ELOVL6: variants seen among roughly 807,000 people sequenced by gnomAD.
ELOVL6 encodes very long chain fatty acid elongase 6.
Under a neutral mutation model 31.7 loss-of-function variants are expected in ELOVL6, and 8 were observed. The ratio of observed to expected loss-of-function variants is 0.25; its 90% CI spans 0.15 to 0.45. ELOVL6 has a LOEUF of 0.45. ELOVL6 is among the 20% of genes least tolerant of loss of function. The pLI is 1.00. For synonymous variants in ELOVL6, 101 were observed against 117.7 expected, an observed-to-expected ratio of 0.86 and a Z score of 0.92; for missense variants, 126 against 326.4, an observed-to-expected ratio of 0.39 and a Z score of 4.73.
intron 2 of ELOVL6, among the ~76,000 whole-genome samples, chr4:110,084,278 A>G (rs1444116858): frequency 7.5e-6 from 1 of 133,438 alleles, no homozygotes; most frequent in Admixed American, 8.0e-5. Context: ...GTGATATATA[A>G]CATATATAAC....
intron 1 of ELOVL6, among the ~76,000 whole-genome samples, chr4:110,165,900 G>A (rs1360039774): frequency 6.6e-6 from 1 of 152,172 alleles, no homozygotes; most frequent in African/African-American, 2.4e-5. Flanking sequence ...CATCTGGGAA[G>A]TGGGAAAAGA....
chr4:110,098,271 G>C (rs1756647636), intron 2 of ELOVL6, among the ~76,000 whole-genome samples: 1 of 150,134 alleles, frequency 6.7e-6, no homozygotes, highest in Non-Finnish European at 1.5e-5. Context: ...GATAGGTAGA[G>C]AATGAGGACC....
At chr4:110,094,834 G>C (rs183930471) in intron 2 of ELOVL6, among the ~76,000 whole-genome samples, 1 of 152,188 alleles carries the variant, frequency 6.6e-6, no homozygotes, top group Non-Finnish European at 1.5e-5. Context: ...GAAATACAGA[G>C]TGAAAAAGTG....
intron 1 of ELOVL6, among the ~76,000 whole-genome samples, chr4:110,162,450 G>A (rs1758656620): frequency 1.3e-5 from 2 of 152,166 alleles, no homozygotes; most frequent in Non-Finnish European, 2.9e-5. Context: ...AGGCTCAGGT[G>A]ATCCTCCCAC....
At chr4:110,151,265 A>G (rs1758273143) in intron 1 of ELOVL6, among the ~76,000 whole-genome samples, 1 of 151,492 alleles carries the variant, frequency 6.6e-6, no homozygotes, top group Non-Finnish European at 1.5e-5. Flanking sequence ...ATAATGAGAT[A>G]TCTTAGGGAT....
chr4:110,099,733 G>GAC (rs1756686643), intron 2 of ELOVL6, among the ~76,000 whole-genome samples: 2 of 152,302 alleles, frequency 1.3e-5, no homozygotes, highest in Admixed American at 1.3e-4. Context: ...GTAACTGGTA[G>GAC]AGGCTCCTTG....
intron 2 of ELOVL6, among the ~76,000 whole-genome samples, chr4:110,062,509 G>A (rs576430443): frequency 2.6e-5 from 4 of 152,310 alleles, no homozygotes; most frequent in African/African-American, 4.8e-5. Context: ...TCCTCTGCAC[G>A]CTTTGGAACC....
At chr4:110,075,519 C>T (rs1397680871) in intron 2 of ELOVL6, among the ~76,000 whole-genome samples, 1 of 152,132 alleles carries the variant, frequency 6.6e-6, no homozygotes, top group Non-Finnish European at 1.5e-5. Context: ...CACAAAAAGA[C>T]AAATACTGTA....
chr4:110,129,156 T>C (rs980417067), intron 1 of ELOVL6, among the ~76,000 whole-genome samples: 2 of 152,230 alleles, frequency 1.3e-5, no homozygotes, highest in Admixed American at 1.3e-4. Context: ...TTTGGGGAGC[T>C]TTCCTATTTA....
intron 1 of ELOVL6, among the ~76,000 whole-genome samples, chr4:110,136,215 T>C (rs1757805166): frequency 6.6e-6 from 1 of 152,194 alleles, no homozygotes; most frequent in Non-Finnish European, 1.5e-5. Flanking sequence ...ACTCAAATGT[T>C]TGCCCTTGAG....
chr4:110,057,403 C>T (rs1755017221), intron 3 of ELOVL6, among the ~76,000 whole-genome samples: 1 of 152,000 alleles, frequency 6.6e-6, no homozygotes, highest in Non-Finnish European at 1.5e-5. Context: ...CAGGGGAAAT[C>T]ACGTTTCATG....
intron 1 of ELOVL6, among the ~76,000 whole-genome samples, chr4:110,173,666 A>T (rs1759017741): frequency 1.5e-5 from 1 of 65,394 alleles, no homozygotes; most frequent in South Asian, 4.4e-4. Flanking sequence ...AATCAGGTAA[A>T]GGAAAATAAT....
At chr4:110,105,969 G>A (rs755554595) in intron 1 of ELOVL6, among the ~76,000 whole-genome samples, 3 of 152,204 alleles carry the variant, frequency 2.0e-5, no homozygotes, top group African/African-American at 4.8e-5. Context: ...AGTTTGTTGA[G>A]CCAATTTAGA....
intron 1 of ELOVL6, among the ~76,000 whole-genome samples, chr4:110,110,469 G>A (rs1056650660): frequency 1.4e-5 from 2 of 144,424 alleles, no homozygotes; most frequent in East Asian, 2.1e-4. Flanking sequence ...GCGTAGTGGT[G>A]TGATCATGGC....
intron 1 of ELOVL6, among the ~76,000 whole-genome samples, chr4:110,179,691 AC>A (rs1464516448): frequency 6.6e-6 from 1 of 152,210 alleles, no homozygotes; most frequent in Admixed American, 6.5e-5. Flanking sequence ...TTGGAAAACT[AC>A]TTCATTCCAA....
At chr4:110,072,293 C>G (rs1276135250) in intron 2 of ELOVL6, among the ~76,000 whole-genome samples, 1 of 152,162 alleles carries the variant, frequency 6.6e-6, no homozygotes, top group African/African-American at 2.4e-5. Flanking sequence ...CTGGCCAACA[C>G]GGCGAAACGC....
intron 1 of ELOVL6, among the ~76,000 whole-genome samples, chr4:110,107,898 T>C (rs556863237): frequency 6.6e-6 from 1 of 152,168 alleles, no homozygotes; most frequent in Non-Finnish European, 1.5e-5. Context: ...GCAGGTAAAG[T>C]ATTATCTTTA....
intron 2 of ELOVL6, among the ~76,000 whole-genome samples, chr4:110,084,045 C>T (rs199589524): frequency 0.53 from 12,617 of 23,990 alleles, 2,687 homozygotes; most frequent in African/African-American, 0.64. Flanking sequence ...GTATATAACA[C>T]ATGCTATATA....
chr4:110,159,948 C>A (rs1287436890), intron 1 of ELOVL6, among the ~76,000 whole-genome samples: 1 of 152,112 alleles, frequency 6.6e-6, no homozygotes, highest in Non-Finnish European at 1.5e-5. Flanking sequence ...TTCCTGTGAA[C>A]TTTCTATTCA....
Sources: gnomAD v4.1 joint callset for allele counts (sites outside exome capture counted in the v4.1 genomes callset) on GRCh38, gnomAD v4.1.1 for gene constraint, MANE v1.5 for transcripts, NCBI Gene and HGNC (gene_info 2026-07-23, HGNC 2026-07-21) for gene names.